The following SLC25A25 variants were observed in gnomAD, a reference collection of about 807,000 sequenced individuals.
SLC25A25 encodes the protein mitochondrial adenyl nucleotide antiporter SLC25A25.
In SLC25A25, 32 loss-of-function variants were observed where a neutral mutation model predicts 57.7. The ratio of observed to expected loss-of-function variants is 0.55; its 90% CI spans 0.42 to 0.74. The LOEUF (loss-of-function observed/expected upper bound fraction) is 0.74, where lower values mean the gene tolerates loss of function less well. Among genes scored for constraint, SLC25A25 ranks in the 30% least tolerant of loss-of-function variants. SLC25A25 has a pLI of 0.00. For missense variants in SLC25A25, 556 were observed against 701.3 expected, an observed-to-expected ratio of 0.79 and a Z score of 2.34; for synonymous variants, 306 against 291.2, an observed-to-expected ratio of 1.05 and a Z score of -0.52.
Position 128,101,344 on chromosome 9 carries a change from C to A in SLC25A25, c.424C>A (p.Arg142=), listed in dbSNP as rs771182815. 2 of 1,614,126 alleles carry A rather than the reference C, an allele frequency of 1.2e-6. No individual in the cohort carries two copies. The highest frequency in any genetic ancestry group is 1.7e-5 in the Admixed American group (1 of 60,014). Reference sequence around the variant, plus strand: ...CGCGCAGGAGATCATGCAGTCCCTGCGGGACTTGGGAGTCAAGATATCTGA... The same window carrying A: ...CGCGCAGGAGATCATGCAGTCCCTGAGGGACTTGGGAGTCAAGATATCTGA... ...IDAQEIMQSL[R]DLGVKISEQQ... Residue 142 remains arginine, a synonymous_variant, in exon 3 of 11, where the codon CGG becomes AGG. Coordinates refer to ENST00000373069, the MANE Select transcript of SLC25A25 (RefSeq NM_001330988.2). The surrounding 1 kb of genome is among the most constrained non-coding windows in gnomAD (Gnocchi z 4.9).
intron 1 of SLC25A25, among the ~76,000 whole-genome samples, chr9:128,088,327 G>C (rs1341495759): frequency 1.3e-5 from 2 of 152,186 alleles, no homozygotes; most frequent in East Asian, 3.8e-4. Context: ...GTAATCCTTT[G>C]GGATGGTTCT....
At chr9:128,072,270 T>C (rs1832924207) in intron 1 of SLC25A25, among the ~76,000 whole-genome samples, 1 of 152,184 alleles carries the variant, frequency 6.6e-6, no homozygotes, top group Non-Finnish European at 1.5e-5. Context: ...GAAAAAGCAG[T>C]GCTGAGGCTT....
rs565811650 is a variant in SLC25A25 at position 128,104,712 on chromosome 9, G to C, written c.783+873G>C. Among the ~76,000 whole-genome samples the C allele has an allele frequency of 2.2e-3, 338 of 152,272 alleles. 1 individual carries two copies. Among genetic ancestry groups the C allele is most frequent in the Non-Finnish European group, 3.7e-3 (252 of 68,010 alleles). Reference sequence around the variant, plus strand: ...CGTGTGCCTTTAAACCAGCATGGGTGGGGCAGCAGGAGAGAGAGGTTGGCT... The same window carrying C: ...CGTGTGCCTTTAAACCAGCATGGGTCGGGCAGCAGGAGAGAGAGGTTGGCT... On this transcript the variant is annotated intron_variant, in intron 6 of 10. Coordinates refer to ENST00000373069, the MANE Select transcript of SLC25A25 (RefSeq NM_001330988.2).
At chr9:128,096,796 A>G (rs1247177121) in intron 1 of SLC25A25, among the ~76,000 whole-genome samples, 2 of 152,238 alleles carry the variant, frequency 1.3e-5, no homozygotes, top group African/African-American at 2.4e-5. Flanking sequence ...GCGTGTTAAA[A>G]TAGCCCAAGG....
At chr9:128,098,060 A>G (rs1306794734) in intron 1 of SLC25A25, among the ~76,000 whole-genome samples, 1 of 152,184 alleles carries the variant, frequency 6.6e-6, no homozygotes, top group Non-Finnish European at 1.5e-5. Flanking sequence ...GCCCGTTTGC[A>G]GTGGCAATCA....
chr9:128,092,329 A>G (rs941898734), intron 1 of SLC25A25, among the ~76,000 whole-genome samples: 1 of 152,238 alleles, frequency 6.6e-6, no homozygotes. Flanking sequence ...GAAGGTTGCA[A>G]TAGACTTGCC....
intron 9 of SLC25A25, 48 bp from the exon 10 acceptor site, chr9:128,106,981 C>T (rs565295545): frequency 1.3e-6 from 2 of 1,583,314 alleles, no homozygotes; most frequent in East Asian, 4.5e-5. Flanking sequence ...CTCTTGCTGC[C>T]TCACTAGCCC....
chr9:128,084,741 A>G (rs1277123912), intron 1 of SLC25A25, among the ~76,000 whole-genome samples: 1 of 152,152 alleles, frequency 6.6e-6, no homozygotes, highest in African/African-American at 2.4e-5. Flanking sequence ...TTGGTCACTT[A>G]TATTTGGCTC....
At chr9:128,075,543 AAAG>A (rs1357216721) in intron 1 of SLC25A25, among the ~76,000 whole-genome samples, 5 of 152,240 alleles carry the variant, frequency 3.3e-5, no homozygotes, top group African/African-American at 1.2e-4. Context: ...AAAAAAAAGA[AAAG>A]AAAAGAAAAT....
Position 128,099,138 on chromosome 9 carries a change from C to T in SLC25A25, c.262-1958C>T. On this transcript the variant is annotated intron_variant, in intron 1 of 10. Coordinates refer to ENST00000373069, the MANE Select transcript of SLC25A25 (RefSeq NM_001330988.2). The surrounding 1 kb of genome is among the most constrained non-coding windows in gnomAD (Gnocchi z 6.8). Reference sequence around the variant, plus strand: ...CCCTGGTGTGGGGGTGAGGGAGCCTCCCGCCTTCTCGACTCTCAGACATCG... The same window carrying T: ...CCCTGGTGTGGGGGTGAGGGAGCCTTCCGCCTTCTCGACTCTCAGACATCG... 8.2e-7 allele frequency: 1 copy of T among 1,220,308 alleles called. No homozygotes were observed. The highest frequency in any genetic ancestry group is 1.0e-6 in the Non-Finnish European group (1 of 956,576). 75.6% of individuals were successfully genotyped at this position (1,220,308 alleles called of 1,614,324 possible). A position where few individuals can be genotyped will look rare whatever the true frequency, so the allele number is the denominator to read the frequency against.
chr9:128,098,589 T>C (rs1316320951), intron 1 of SLC25A25: 1 of 1,614,036 alleles, frequency 6.2e-7, no homozygotes. Context: ...TGCCTGTATG[T>C]GCCGGTCATC....
chr9:128,102,133 TC>T lies in SLC25A25; in HGVS notation c.512+19del, dbSNP rs1481950436. The T allele has an allele frequency of 1.9e-6, 3 of 1,550,566 alleles. No homozygotes were observed. The highest frequency in any genetic ancestry group is 2.6e-6 in the Non-Finnish European group (3 of 1,146,942). On this transcript the variant is annotated intron_variant, in intron 4 of 10. Transcript: ENST00000373069. This position sits in a 1 kb window ranked among gnomAD's most constrained non-coding sequence, Gnocchi z 4.1. ...GTCACCTAGTAAGTATCCATGTCGC[TC>T]ATGACTGCCTCCCTTGACTTCCATG...
intron 6 of SLC25A25, 82 bp from the exon 7 acceptor site, chr9:128,105,647 G>A (rs998752275): frequency 1.1e-5 from 17 of 1,604,472 alleles, no homozygotes; most frequent in African/African-American, 9.4e-5. Context: ...GGCCGCAGCC[G>A]GTTGGCCAGC....
intron 1 of SLC25A25, chr9:128,092,147 TG>T: frequency 1.9e-6 from 3 of 1,562,894 alleles, no homozygotes; most frequent in Non-Finnish European, 2.6e-6. Flanking sequence ...ATCATTTTCC[TG>T]GGGAAAAAAC....
Position 128,069,613 on chromosome 9 carries a change from GTGT to G in SLC25A25, c.261+1038_261+1040del, listed in dbSNP as rs1324945465. The stretch of plus-strand genomic sequence containing the variant: ...CAATTTGTTGGGTGGGTGTACATAG[GTGT>G]TGTTAACTCATGTTCAAGATTCTTG... On this transcript the variant is annotated intron_variant, in intron 1 of 10. Coordinates refer to ENST00000373069, the MANE Select transcript of SLC25A25 (RefSeq NM_001330988.2). Among the ~76,000 whole-genome samples, 5 of 152,164 alleles carry G rather than the reference GTGT, an allele frequency of 3.3e-5. No homozygotes were observed. In the East Asian group the frequency reaches 9.6e-4, roughly 29 times the overall value.
intron 1 of SLC25A25, among the ~76,000 whole-genome samples, chr9:128,082,385 C>T (rs565507601): frequency 6.6e-6 from 1 of 152,166 alleles, no homozygotes; most frequent in Non-Finnish European, 1.5e-5. Context: ...ATCAGGTGGG[C>T]GTTTAAGAGT....
intron 1 of SLC25A25, among the ~76,000 whole-genome samples, chr9:128,081,580 C>T (rs376479073): frequency 6.6e-6 from 1 of 152,046 alleles, no homozygotes; most frequent in African/African-American, 2.4e-5. Context: ...GCTCCTTACT[C>T]TTGGTGCACA....
rs1343227281 is a variant in SLC25A25 at position 128,102,481 on chromosome 9, G to A, written c.624G>A (p.Thr208=). 3.6e-5 allele frequency: 58 copies of A among 1,612,500 alleles called. No individual in the cohort carries two copies. The highest frequency in any genetic ancestry group is 9.4e-5 in the African/African-American group (7 of 74,828). ...TCATCCTCTACTGGAAGCATTCCACGGTGAGCCCCACGTGCCCAGGGCCCT... is the reference window on the plus strand; with the variant it reads ...TCATCCTCTACTGGAAGCATTCCACAGTGAGCCCCACGTGCCCAGGGCCCT... The part of the protein sequence containing the change: ...PEIILYWKHS[T]IFDVGENLTV... The change falls in exon 5 of 11, where the codon ACG becomes ACA. Residue 208 remains threonine (T), a splice_region_variant and synonymous_variant. Coordinates refer to ENST00000373069, the MANE Select transcript of SLC25A25 (RefSeq NM_001330988.2). This position sits in a 1 kb window ranked among gnomAD's most constrained non-coding sequence, Gnocchi z 4.1.
At chr9:128,094,687 T>G (rs574229893) in intron 1 of SLC25A25, among the ~76,000 whole-genome samples, 8 of 152,230 alleles carry the variant, frequency 5.3e-5, no homozygotes, top group Non-Finnish European at 1.2e-4. Flanking sequence ...CCAGAGGCAC[T>G]GTACCTGCCC....
Sources: gnomAD v4.1 joint callset for allele counts (sites outside exome capture counted in the v4.1 genomes callset) on GRCh38, gnomAD v4.1.1 for gene constraint, Gnocchi (gnomAD v3.1) non-coding constraint, MANE v1.5 for transcripts, NCBI Gene and HGNC (gene_info 2026-07-23, HGNC 2026-07-21) for gene names.